Variants in LAMA4 observed in about 807,000 individuals in gnomAD.
LAMA4 encodes the protein laminin subunit alpha-4.
In LAMA4, 127 loss-of-function variants were observed where a neutral mutation model predicts 207.1. The observed-to-expected ratio is 0.61, with a 90% CI of 0.53 to 0.71. The LOEUF (loss-of-function observed/expected upper bound fraction) is 0.71. LAMA4 is among the 30% of genes least tolerant of loss of function. The pLI is 0.00. For synonymous variants in LAMA4, 761 were observed against 816.0 expected (o/e 0.93, Z 1.15); for missense variants, 2,093 against 2,246.5 (o/e 0.93, Z 1.38).
In LAMA4 at chr6:112,109,525, T is replaced by G. The variant is rs1777578953; in HGVS notation, c.5384A>C (p.His1795Pro). 1.2e-6 allele frequency: 2 copies of G among 1,613,996 alleles called. No homozygotes were observed. The highest frequency in any genetic ancestry group is 8.5e-7 in the Non-Finnish European group (1 of 1,180,008). The change falls in exon 39 of 39, where the codon CAC (histidine) becomes CCC (proline). Residue 1795 changes from histidine to proline, a missense_variant. This residue lies in a region of LAMA4 where 383 missense variants were observed against 437.8 expected (regional missense o/e 0.87). Transcript: ENST00000230538. Reference sequence around the variant, plus strand: ...CACTGGGTGTCCATCAATCACAAAGTGGCGTATGCAGCCTGTGAAGGGTTT... The same window carrying G: ...CACTGGGTGTCCATCAATCACAAAGGGGCGTATGCAGCCTGTGAAGGGTTT... ...PSKPFTGCIR[H>P]FVIDGHPVSF...
At chr6:112,217,110 T>C (rs1231861198) in intron 2 of LAMA4, among the ~76,000 whole-genome samples, 1 of 152,170 alleles carries the variant, frequency 6.6e-6, no homozygotes, top group African/African-American at 2.4e-5. Context: ...CACATGACTT[T>C]CCCTTATCCT....
intron 6 of LAMA4, among the ~76,000 whole-genome samples, chr6:112,191,331 A>G (rs1783108100): frequency 6.6e-6 from 1 of 152,166 alleles, no homozygotes; most frequent in South Asian, 2.1e-4. Flanking sequence ...CAGGTAATCC[A>G]TAGAAGTCCG....
intron 5 of LAMA4, among the ~76,000 whole-genome samples, chr6:112,199,941 G>A (rs115769014): frequency 0.024 from 3,687 of 152,204 alleles, 140 homozygotes; most frequent in African/African-American, 0.083. Context: ...GACTATTTCC[G>A]CTTGGCTCTT....
chr6:112,112,610 C>G (rs899183959), intron 38 of LAMA4, among the ~76,000 whole-genome samples: 2 of 152,126 alleles, frequency 1.3e-5, no homozygotes, highest in Non-Finnish European at 2.9e-5. Flanking sequence ...AAGCTGAAGT[C>G]AGGAACAGGG....
intron 19 of LAMA4, among the ~76,000 whole-genome samples, chr6:112,143,955 A>G (rs1779861425): frequency 6.6e-6 from 1 of 152,222 alleles, no homozygotes; most frequent in Admixed American, 6.5e-5. Context: ...CTATTTACCA[A>G]GAATAATCTT....
intron 13 of LAMA4, chr6:112,162,378 A>C (rs1337842357): frequency 4.6e-5 from 7 of 152,256 alleles, no homozygotes; most frequent in Non-Finnish European, 1.0e-4. Context: ...AGGCTGAGGC[A>C]GGAGAATTGC....
At chr6:112,208,776 C>G (rs549891044) in intron 3 of LAMA4, among the ~76,000 whole-genome samples, 1 of 152,166 alleles carries the variant, frequency 6.6e-6, no homozygotes, top group Non-Finnish European at 1.5e-5. Flanking sequence ...GTTGAATGTT[C>G]TTCAGGCATT....
chr6:112,110,557 A>C (rs1777634804), intron 38 of LAMA4, among the ~76,000 whole-genome samples: 1 of 152,248 alleles, frequency 6.6e-6, no homozygotes, highest in African/African-American at 2.4e-5. Context: ...AATGATAATC[A>C]TAAAAGTTTT....
intron 3 of LAMA4, among the ~76,000 whole-genome samples, chr6:112,209,215 G>A (rs1325585955): frequency 6.6e-6 from 1 of 152,156 alleles, no homozygotes; most frequent in Non-Finnish European, 1.5e-5. Flanking sequence ...GTTCTTGCTG[G>A]ACGGATGAAG....
At chr6:112,207,408 G>A (rs1428082951) in intron 3 of LAMA4, among the ~76,000 whole-genome samples, 1 of 152,098 alleles carries the variant, frequency 6.6e-6, no homozygotes, top group African/African-American at 2.4e-5. Flanking sequence ...TGTGTGCAGA[G>A]GAGATTATTC....
Position 112,130,952 on chromosome 6 carries a change from A to T in LAMA4, c.3968+16T>A. The stretch of plus-strand genomic sequence containing the variant: ...AAATAGACATGGTGGAAAGAATATG[A>T]AGTGAGGAGCTATACCTTGTGGGTG... On this transcript the variant is annotated intron_variant, in intron 29 of 38. Transcript: ENST00000230538. 4 of 1,611,920 alleles carry T rather than the reference A, an allele frequency of 2.5e-6. No homozygotes were observed. Among genetic ancestry groups the T allele is most frequent in the Non-Finnish European group, 3.4e-6 (4 of 1,178,182 alleles).
chr6:112,195,651 T>A (rs1478407059), intron 5 of LAMA4, among the ~76,000 whole-genome samples: 1 of 152,200 alleles, frequency 6.6e-6, no homozygotes, highest in Non-Finnish European at 1.5e-5. Flanking sequence ...CCCCATTCTT[T>A]TCTTCTGATC....
chr6:112,148,574 A>C (rs1780177504), intron 17 of LAMA4, among the ~76,000 whole-genome samples: 1 of 152,228 alleles, frequency 6.6e-6, no homozygotes, highest in Non-Finnish European at 1.5e-5. Context: ...GAAAATGCAC[A>C]TGAGATTTTA....
intron 12 of LAMA4, among the ~76,000 whole-genome samples, chr6:112,170,776 C>T (rs1781664340): frequency 1.3e-5 from 2 of 152,134 alleles, no homozygotes; most frequent in Non-Finnish European, 2.9e-5. Flanking sequence ...CAGATGATCA[C>T]AATTCAGAAA....
At chr6:112,204,102 C>T (rs1783917322) in intron 4 of LAMA4, among the ~76,000 whole-genome samples, 2 of 152,244 alleles carry the variant, frequency 1.3e-5, no homozygotes, top group Admixed American at 6.5e-5. Context: ...TACTGTGATT[C>T]AAAAGGTAAA....
rs782630776 is a variant in LAMA4, at chr6:112,131,015, G to T, written c.3921C>A (p.Tyr1307Ter). The T allele has an allele frequency of 5.6e-6, 9 of 1,612,920 alleles. No homozygotes were observed. In the African/African-American group the frequency reaches 1.1e-4, roughly 19 times the overall value. ...GIKVQSVDKQ[Y>*]NDGLSHFVIS... ...TGACGAAGTGGGACAGCCCATCATT[G>T]TACTGCTTATCTACTGACTGAACTT... The change falls in exon 29 of 39, where the codon TAC (tyrosine) becomes TAA (stop). Residue 1307 changes from tyrosine (Y) to a stop codon, truncating the protein, a stop_gained. Coordinates refer to ENST00000230538, the MANE Select transcript of LAMA4 (RefSeq NM_001105206.3). LOFTEE classifies it high-confidence loss of function.
chr6:112,250,354 A>T (rs1468546982), intron 2 of LAMA4, among the ~76,000 whole-genome samples: 1 of 152,218 alleles, frequency 6.6e-6, no homozygotes, highest in African/African-American at 2.4e-5. Context: ...GGGGTCACGT[A>T]TCAACAAGGA....
At chr6:112,207,743 T>C (rs1277121047) in intron 3 of LAMA4, among the ~76,000 whole-genome samples, 4 of 152,056 alleles carry the variant, frequency 2.6e-5, no homozygotes, top group African/African-American at 9.7e-5. Flanking sequence ...TTCCCACTTG[T>C]AGTAAAGATT....
intron 12 of LAMA4, chr6:112,166,286 A>C (rs1362325745): frequency 6.6e-6 from 1 of 151,932 alleles, no homozygotes; most frequent in African/African-American, 2.4e-5. Flanking sequence ...GAGACAGAAA[A>C]GAATCACATT....
Sources: gnomAD v4.1 joint callset for allele counts (sites outside exome capture counted in the v4.1 genomes callset) on GRCh38, gnomAD v4.1.1 for gene constraint, gnomAD v4.1.1 regional missense constraint, MANE v1.5 for transcripts, NCBI Gene and HGNC (gene_info 2026-07-23, HGNC 2026-07-21) for gene names.